NR5A2: variants seen among roughly 807,000 people sequenced by gnomAD.
NR5A2 encodes the protein nuclear receptor subfamily 5 group A member 2, also known as CYP7A promoter-binding factor.
In NR5A2, 26 loss-of-function variants were observed where a neutral mutation model predicts 62.7. The ratio of observed to expected loss-of-function variants is 0.41; its 90% CI spans 0.30 to 0.58. The LOEUF is 0.58. Among genes scored for constraint, NR5A2 ranks in the 20% least tolerant of loss-of-function variants. The pLI, the probability that NR5A2 is intolerant of heterozygous loss-of-function variation, is 0.22. For synonymous variants in NR5A2, 246 were observed against 241.7 expected (o/e 1.02, Z -0.16); for missense variants, 541 against 669.1 (o/e 0.81, Z 2.11).
intron 7 of NR5A2, among the ~76,000 whole-genome samples, chr1:200,160,428 A>C (rs1653590071): frequency 6.6e-6 from 1 of 152,224 alleles, no homozygotes; most frequent in Non-Finnish European, 1.5e-5. Context: ...TCTCTCCAAA[A>C]GTCAGTAAGA....
chr1:200,109,536 G>A (rs1558144462), intron 5 of NR5A2, among the ~76,000 whole-genome samples: 1 of 152,054 alleles, frequency 6.6e-6, no homozygotes, highest in African/African-American at 2.4e-5. Flanking sequence ...TCAAATCCTT[G>A]TTTTTGCTCT....
intron 7 of NR5A2, among the ~76,000 whole-genome samples, chr1:200,124,786 G>T (rs962565819): frequency 4.6e-5 from 7 of 152,032 alleles, no homozygotes; most frequent in Admixed American, 2.0e-4. Context: ...AAAATAATTA[G>T]CCAGGTGTGG....
At chr1:200,050,039 T>C (rs1441374914) in intron 5 of NR5A2, among the ~76,000 whole-genome samples, 2 of 152,222 alleles carry the variant, frequency 1.3e-5, no homozygotes, top group African/African-American at 2.4e-5. Context: ...AGCTCTTTAT[T>C]TCCACGTCCT....
chr1:200,144,229 TCTCTCA>T (rs1223668383), intron 7 of NR5A2, among the ~76,000 whole-genome samples: 2,571 of 126,970 alleles, frequency 0.02, 35 homozygotes, highest in East Asian at 0.031. Context: ...TCTCTCTCTC[TCTCTCA>T]CACACACACA....
In NR5A2 at chr1:200,119,688, A is replaced by G. The variant is rs568454946; in HGVS notation, c.1231-1120A>G. The stretch of plus-strand genomic sequence containing the variant: ...TTCCCCCAGGCTGGAGTGCAATGGC[A>G]CGATCTTGGCTCACTGCAACCTCCG... On this transcript the variant is annotated intron_variant, in intron 6 of 7. Coordinates refer to ENST00000367362, the MANE Select transcript of NR5A2 (RefSeq NM_205860.3). Among the ~76,000 whole-genome samples, 70 of 152,132 alleles carry G rather than the reference A, an allele frequency of 4.6e-4. 1 individual carries two copies. The highest frequency in any genetic ancestry group is 1.6e-3 in the African/African-American group (67 of 41,484).
intron 5 of NR5A2, among the ~76,000 whole-genome samples, chr1:200,083,647 A>G (rs1023243653): frequency 7.2e-5 from 11 of 152,184 alleles, no homozygotes; most frequent in Non-Finnish European, 1.3e-4. Context: ...AGTATTGTAC[A>G]GTATTGTACA....
chr1:200,082,406 G>A (rs924048460), intron 5 of NR5A2, among the ~76,000 whole-genome samples: 1 of 152,146 alleles, frequency 6.6e-6, no homozygotes, highest in African/African-American at 2.4e-5. Context: ...CACATTAGGT[G>A]TTTTGCATCA....
chr1:200,120,921 C>A lies in NR5A2; in HGVS notation c.1344C>A (p.Phe448Leu). ...CTCTCCAGTTTGATCAACGAGAGTT[C>A]GTATGTCTGAAATTCTTGGTGCTCT... The part of the protein sequence containing the change: ...LRSLQFDQRE[F>L]VCLKFLVLFS... Residue 448 changes from phenylalanine to leucine, a missense_variant, in exon 7 of 8, where the codon TTC becomes TTA. Physicochemically the swap from Phe to Leu is conservative, Grantham distance 22. This residue lies in a region of NR5A2 where 379 missense variants were observed against 442.0 expected (regional missense o/e 0.86). Transcript: ENST00000367362. 2 of 1,613,844 alleles carry A rather than the reference C, an allele frequency of 1.2e-6. 1 individual carries two copies. The highest frequency in any genetic ancestry group is 2.2e-5 in the South Asian group (2 of 91,038).
At chr1:200,090,306 C>T (rs890731852) in intron 5 of NR5A2, among the ~76,000 whole-genome samples, 1 of 152,166 alleles carries the variant, frequency 6.6e-6, no homozygotes, top group Non-Finnish European at 1.5e-5. Flanking sequence ...GGACGCTTTG[C>T]ACTTCTGAAA....
At chr1:200,078,452 A>C (rs1486122516) in intron 5 of NR5A2, among the ~76,000 whole-genome samples, 2 of 152,224 alleles carry the variant, frequency 1.3e-5, no homozygotes, top group Non-Finnish European at 2.9e-5. Context: ...GGGCCTAGGG[A>C]GGACTATGTT....
chr1:200,099,390 G>T (rs1665259967), intron 5 of NR5A2, among the ~76,000 whole-genome samples: 1 of 150,710 alleles, frequency 6.6e-6, no homozygotes, highest in South Asian at 2.1e-4. Flanking sequence ...GAAGGAAGAA[G>T]TTGCATTAAA....
intron 7 of NR5A2, among the ~76,000 whole-genome samples, chr1:200,137,418 G>A (rs1312982857): frequency 1.4e-5 from 2 of 144,396 alleles, no homozygotes; most frequent in Non-Finnish European, 3.0e-5. Context: ...TGCCCACCTT[G>A]GCCTCCCAAA....
chr1:200,106,783 A>T (rs1490531575), intron 5 of NR5A2, among the ~76,000 whole-genome samples: 9 of 152,180 alleles, frequency 5.9e-5, no homozygotes. Flanking sequence ...AAAATCTTCA[A>T]AATTGTCAAC....
chr1:200,055,399 T>C (rs1187908191), intron 5 of NR5A2, among the ~76,000 whole-genome samples: 1 of 152,156 alleles, frequency 6.6e-6, no homozygotes, highest in Non-Finnish European at 1.5e-5. Context: ...TTTCTCCATG[T>C]TGGTCAGGCT....
intron 5 of NR5A2, among the ~76,000 whole-genome samples, chr1:200,098,558 C>T (rs977282031): frequency 2.0e-5 from 3 of 150,840 alleles, no homozygotes; most frequent in Admixed American, 6.6e-5. Context: ...GGATTCAGAA[C>T]ACCTGGATTC....
At chr1:200,166,516 T>C (rs1327138206) in intron 7 of NR5A2, among the ~76,000 whole-genome samples, 1 of 152,238 alleles carries the variant, frequency 6.6e-6, no homozygotes, top group Non-Finnish European at 1.5e-5. Context: ...TTCATTCGCA[T>C]ATCATGAGAC....
At chr1:200,106,940 T>A (rs1665705185) in intron 5 of NR5A2, among the ~76,000 whole-genome samples, 1 of 152,134 alleles carries the variant, frequency 6.6e-6, no homozygotes, top group African/African-American at 2.4e-5. Flanking sequence ...AAATACCACA[T>A]AATCAATTAT....
chr1:200,147,861 G>T lies in NR5A2; in HGVS notation c.1379-26102G>T. ...TGGTGAGCAGTATGGCCACCTGCTT[G>T]TAGGCGCAGTCCCCGGAGCGGTGGC... On this transcript the variant is annotated intron_variant, in intron 7 of 7. Transcript: ENST00000367362. The surrounding 1 kb of genome is among the most constrained non-coding windows in gnomAD (Gnocchi z 4.9). The T allele has an allele frequency of 2.3e-6, 1 of 434,232 alleles. No homozygotes were observed. The highest frequency in any genetic ancestry group is 2.5e-5 in the South Asian group (1 of 39,846). 26.9% of individuals were successfully genotyped at this position (434,232 alleles called of 1,614,324 possible). A position where few individuals can be genotyped will look rare whatever the true frequency, so the allele number is the denominator to read the frequency against.
intron 7 of NR5A2, among the ~76,000 whole-genome samples, chr1:200,125,448 A>G (rs1666659996): frequency 1.3e-5 from 2 of 152,248 alleles, no homozygotes; most frequent in African/African-American, 4.8e-5. Context: ...CATGGAGACA[A>G]ACACCCCAGG....
Sources: gnomAD v4.1 joint callset for allele counts (sites outside exome capture counted in the v4.1 genomes callset) on GRCh38, gnomAD v4.1.1 for gene constraint, gnomAD v4.1.1 regional missense constraint, Gnocchi (gnomAD v3.1) non-coding constraint, MANE v1.5 for transcripts, NCBI Gene and HGNC (gene_info 2026-07-23, HGNC 2026-07-21) for gene names.